The following CDH1 variants were observed in gnomAD, a reference collection of about 807,000 sequenced individuals.
CDH1 encodes cadherin 1.
A neutral mutation model predicts 84.5 loss-of-function variants in CDH1; 35 were observed. The ratio of observed to expected loss-of-function variants is 0.41; its 90% CI spans 0.32 to 0.55. The LOEUF (loss-of-function observed/expected upper bound fraction) is 0.55. Among genes scored for constraint, CDH1 ranks in the 20% least tolerant of loss-of-function variants. The probability of loss-of-function intolerance (pLI) is 0.19; values close to 1 mark genes in which losing one functional copy is unlikely to be tolerated. For missense variants in CDH1, 994 were observed against 1,126.6 expected (o/e 0.88, Z 1.68); for synonymous variants, 417 against 439.0 (o/e 0.95, Z 0.63).
At chr16:68,825,851 C>A (rs1271077911) in intron 13 of CDH1, among the ~76,000 whole-genome samples, 1 of 138,626 alleles carries the variant, frequency 7.2e-6, no homozygotes, top group African/African-American at 2.9e-5. Flanking sequence ...ATTCTGTGGG[C>A]CCGGCTGGAG....
chr16:68,756,251 A>C (rs1258764504), intron 2 of CDH1, among the ~76,000 whole-genome samples: 2 of 151,128 alleles, frequency 1.3e-5, no homozygotes. Context: ...ACTATGTGGG[A>C]GTGTTTGAAA....
chr16:68,739,216 C>G (rs557738519), intron 2 of CDH1, among the ~76,000 whole-genome samples: 4 of 151,968 alleles, frequency 2.6e-5, no homozygotes, highest in Non-Finnish European at 2.9e-5. Flanking sequence ...AGTTCGAGAC[C>G]AGCCTGGCCA....
chr16:68,761,248 G>A (rs1959220267), intron 2 of CDH1, among the ~76,000 whole-genome samples: 1 of 152,184 alleles, frequency 6.6e-6, no homozygotes, highest in African/African-American at 2.4e-5. Flanking sequence ...CTGCCCTCCC[G>A]CTGCCTGGGG....
intron 10 of CDH1, 117 bp from the exon 11 acceptor site, chr16:68,819,163 G>C: frequency 8.3e-7 from 1 of 1,201,460 alleles, no homozygotes. Flanking sequence ...GCCTATTGTT[G>C]GTTTTCAAAA....
At chr16:68,773,202 A>G (rs1185095406) in intron 2 of CDH1, among the ~76,000 whole-genome samples, 1 of 152,030 alleles carries the variant, frequency 6.6e-6, no homozygotes, top group Non-Finnish European at 1.5e-5. Flanking sequence ...TGCTTCAGCT[A>G]GATAGAGTCT....
chr16:68,813,674 G>A, intron 9 of CDH1, 179 bp downstream of exon 9: 1 of 757,584 alleles, frequency 1.3e-6, no homozygotes, highest in South Asian at 1.4e-5. Flanking sequence ...AAGAAATCAA[G>A]AAACTGTGCT....
At chr16:68,818,929 C>T (rs576727085) in intron 10 of CDH1, among the ~76,000 whole-genome samples, 1 of 151,754 alleles carries the variant, frequency 6.6e-6, no homozygotes, top group East Asian at 1.9e-4. Context: ...AATCTCGGCT[C>T]ACTGCAACCT....
At chr16:68,758,666 G>A (rs1009187477) in intron 2 of CDH1, among the ~76,000 whole-genome samples, 5 of 121,770 alleles carry the variant, frequency 4.1e-5, no homozygotes, top group African/African-American at 1.5e-4. Context: ...GAGTGAAAAA[G>A]CATGGGGCGG....
At chr16:68,822,277 C>A in intron 12 of CDH1, 52 bp downstream of exon 12, 1 of 1,212,658 alleles carries the variant, frequency 8.2e-7, no homozygotes, top group Non-Finnish European at 1.2e-6. Flanking sequence ...CCATGCTTCC[C>A]TTCCCCCAGA....
In CDH1 at chr16:68,808,491, A is replaced by G. The variant is rs1233421331; in HGVS notation, c.455A>G (p.Gln152Arg). ...AACTCCTCTCCTGGCCTCAGAAGACAGAAGAGAGACTGGGTTATTCCTCCC... is the reference window on the plus strand; with the variant it reads ...AACTCCTCTCCTGGCCTCAGAAGACGGAAGAGAGACTGGGTTATTCCTCCC... ...FPNSSPGLRR[Q>R]KRDWVIPPIS... The change falls in exon 4 of 16, where the codon CAG (glutamine) becomes CGG (arginine). Residue 152 changes from glutamine to arginine, a missense_variant. Around this residue, in one of 3 missense-constraint regions of CDH1, gnomAD observed 203 missense variants for 194.0 expected, o/e 1.05. Transcript: ENST00000261769. 1.9e-6 allele frequency: 3 copies of G among 1,614,190 alleles called. No homozygotes were observed. The highest frequency in any genetic ancestry group is 2.5e-6 in the Non-Finnish European group (3 of 1,180,012).
chr16:68,803,009 A>G (rs1057081957), intron 3 of CDH1, among the ~76,000 whole-genome samples: 1 of 152,122 alleles, frequency 6.6e-6, no homozygotes, highest in African/African-American at 2.4e-5. Flanking sequence ...CTTGGCAGGA[A>G]TGTTTCTAGG....
intron 5 of CDH1, chr16:68,809,135 T>A (rs1393340810): frequency 4.3e-6 from 2 of 465,858 alleles, no homozygotes; most frequent in Non-Finnish European, 7.9e-6. Flanking sequence ...TGGAAGTCCC[T>A]GACCTAAAGG....
intron 2 of CDH1, among the ~76,000 whole-genome samples, chr16:68,746,210 G>A (rs1396049516): frequency 6.6e-6 from 1 of 152,144 alleles, no homozygotes; most frequent in African/African-American, 2.4e-5. Context: ...CAGATCATGA[G>A]GTCAGGAGTT....
At chr16:68,806,122 A>T (rs62055767) in intron 3 of CDH1, among the ~76,000 whole-genome samples, 7,039 of 144,560 alleles carry the variant, frequency 0.049, 330 homozygotes, top group Non-Finnish European at 0.063. Context: ...TAATTTTTGT[A>T]TATTTATTTA....
chr16:68,834,594 T>C lies in CDH1; in HGVS notation c.*1095T>C, dbSNP rs901183704. 2.5e-5 allele frequency: 6 copies of C among 244,804 alleles called. No homozygotes were observed. Among genetic ancestry groups the C allele is most frequent in the Middle Eastern group, 1.2e-3 (1 of 832 alleles). The allele number at this position is 244,804 out of a possible 1,614,324, so 15.2% of individuals were successfully genotyped here. Reference sequence around the variant, plus strand: ...TAGGAGTTCTCTGATGCAGAAATTATTGGGCTCTTTTAGGGTAAGAAGTTT... The same window carrying C: ...TAGGAGTTCTCTGATGCAGAAATTACTGGGCTCTTTTAGGGTAAGAAGTTT... On this transcript the variant is annotated 3_prime_UTR_variant, in exon 16 of 16. Transcript: ENST00000261769.
At chr16:68,769,469 T>A (rs1431958412) in intron 2 of CDH1, among the ~76,000 whole-genome samples, 1 of 131,988 alleles carries the variant, frequency 7.6e-6, no homozygotes, top group Non-Finnish European at 1.5e-5. Context: ...GGAATTTCTT[T>A]TTTTTTTTTT....
At chr16:68,748,834 T>TTTTTTG (rs1305522179) in intron 2 of CDH1, among the ~76,000 whole-genome samples, 1 of 152,182 alleles carries the variant, frequency 6.6e-6, no homozygotes, top group African/African-American at 2.4e-5. Flanking sequence ...TAAAACAGTT[T>TTTTTTG]TTTTTGTTTT....
Position 68,812,119 on chromosome 16 carries a change from G to A in CDH1, c.1009-16G>A, listed in dbSNP as rs1057521282. 1.2e-6 allele frequency: 2 copies of A among 1,613,938 alleles called. No individual in the cohort carries two copies. Among genetic ancestry groups the A allele is most frequent in the African/African-American group, 2.7e-5 (2 of 74,924 alleles). On this transcript the variant is annotated splice_polypyrimidine_tract_variant and intron_variant, in intron 7 of 15. Transcript: ENST00000261769. ...GTGTTCCTGGTCCTGACTTGGTTGT[G>A]TCGATCTCTCTGCAGAGTTTCCCTA...
chr16:68,750,662 C>A (rs1248619783), intron 2 of CDH1, among the ~76,000 whole-genome samples: 3 of 150,390 alleles, frequency 2.0e-5, no homozygotes, highest in African/African-American at 7.3e-5. Flanking sequence ...GCACCTGATT[C>A]TGTGGTTTGG....
Sources: allele counts gnomAD v4.1 joint callset (sites outside exome capture counted in the v4.1 genomes callset), GRCh38; gene constraint gnomAD v4.1.1; regional missense constraint gnomAD v4.1.1; transcripts MANE v1.5; gene names NCBI Gene and HGNC (gene_info 2026-07-23, HGNC 2026-07-21).